The following TSPAN14 variants were observed in gnomAD, a reference collection of about 807,000 sequenced individuals.
TSPAN14 encodes the protein tetraspanin-14.
Under a neutral mutation model 36.6 loss-of-function variants are expected in TSPAN14, and 16 were observed. The observed-to-expected ratio is 0.44, with a 90% CI of 0.30 to 0.66. The LOEUF (loss-of-function observed/expected upper bound fraction) is 0.66, where lower values mean the gene tolerates loss of function less well. Among genes scored for constraint, TSPAN14 ranks in the 30% least tolerant of loss-of-function variants. The pLI, the probability that TSPAN14 is intolerant of heterozygous loss-of-function variation, is 0.12. For synonymous variants in TSPAN14, 139 were observed against 143.8 expected (o/e 0.97, Z 0.24); for missense variants, 231 against 355.1 (o/e 0.65, Z 2.81).
intron 2 of TSPAN14, among the ~76,000 whole-genome samples, chr10:80,492,866 C>T (rs958218198): frequency 9.9e-5 from 15 of 152,040 alleles, no homozygotes; most frequent in East Asian, 5.8e-4. Context: ...AGATAAATAC[C>T]GTTTGGTACC....
chr10:80,492,143 A>G (rs2132018337), intron 2 of TSPAN14, among the ~76,000 whole-genome samples: 1 of 152,300 alleles, frequency 6.6e-6, no homozygotes, highest in Middle Eastern at 3.4e-3. Context: ...GGTTGCTGAA[A>G]ATGTATAAAG....
chr10:80,521,829 CAG>C (rs1841280400), exon 9 of TSPAN14: 1 of 148,456 alleles, frequency 6.7e-6, no homozygotes, highest in Admixed American at 6.8e-5. Flanking sequence ...GAGGCTGAGG[CAG>C]GGGAATGGTG....
intron 1 of TSPAN14, among the ~76,000 whole-genome samples, chr10:80,456,473 G>A (rs561505761): frequency 1.3e-5 from 2 of 152,218 alleles, no homozygotes; most frequent in Non-Finnish European, 2.9e-5. Context: ...GGTTGTGGCG[G>A]CAGTGAAGTG....
chr10:80,521,093 T>C (rs1841245845), exon 9 of TSPAN14: 1 of 307,860 alleles, frequency 3.2e-6, no homozygotes. Flanking sequence ...ACGTGGAATT[T>C]CTCTGGGAGA....
intron 1 of TSPAN14, among the ~76,000 whole-genome samples, chr10:80,465,405 G>A (rs1408741094): frequency 1.3e-5 from 2 of 152,170 alleles, no homozygotes; most frequent in South Asian, 4.1e-4. Context: ...TGCCATCTCC[G>A]GGCTCTTGAA....
intron 1 of TSPAN14, among the ~76,000 whole-genome samples, chr10:80,454,669 C>A (rs1023492181): frequency 3.3e-5 from 5 of 152,090 alleles, no homozygotes; most frequent in Non-Finnish European, 5.9e-5. Context: ...CGGTAGCCCT[C>A]GCCCCATCAG....
Position 80,509,637 on chromosome 10 carries a change from T to G in TSPAN14, c.450+166T>G. 1.4e-6 allele frequency: 1 copy of G among 718,212 alleles called. No individual in the cohort carries two copies. The highest frequency in any genetic ancestry group is 2.0e-5 in the South Asian group (1 of 51,274). The allele number at this position is 718,212 out of a possible 1,614,324, so 44.5% of individuals were successfully genotyped here. A position where few individuals can be genotyped will look rare whatever the true frequency, so the allele number is the denominator to read the frequency against. ...CCACTCCACCTCTGGTCTGTTCCACTTTGCCGGCTTGTGGTTGCCTGGTGG... is the reference window on the plus strand; with the variant it reads ...CCACTCCACCTCTGGTCTGTTCCACGTTGCCGGCTTGTGGTTGCCTGGTGG... On this transcript the variant is annotated intron_variant, in intron 5 of 8. Transcript: ENST00000429989. The surrounding 1 kb of genome is among the most constrained non-coding windows in gnomAD (Gnocchi z 4.7).
At chr10:80,468,978 T>G (rs1846389351) in intron 1 of TSPAN14, among the ~76,000 whole-genome samples, 1 of 152,202 alleles carries the variant, frequency 6.6e-6, no homozygotes, top group Non-Finnish European at 1.5e-5. Context: ...CTTTCCTGTT[T>G]AAAGTTGTCG....
intron 1 of TSPAN14, among the ~76,000 whole-genome samples, chr10:80,465,786 T>A (rs1369910953): frequency 1.3e-5 from 2 of 152,180 alleles, no homozygotes; most frequent in East Asian, 1.9e-4. Context: ...GCAGGATTGG[T>A]TAAGAATATT....
Position 80,460,380 on chromosome 10 carries a change from A to G in TSPAN14, c.-18+6009A>G, listed in dbSNP as rs183105022. 3.3e-5 allele frequency among the ~76,000 whole-genome samples: 5 copies of G among 152,334 alleles called. No homozygotes were observed. The East Asian group carries it at 9.6e-4, about 29-fold the overall frequency. ...TTGAGGTTGGGGGATTCTGGTTAAC[A>G]GGAGTTTTGCTAAAACTAGGCTCTT... is the stretch of plus-strand genomic sequence containing the variant. On this transcript the variant is annotated intron_variant, in intron 1 of 8. Coordinates refer to ENST00000429989, the Ensembl canonical transcript of TSPAN14.
At chr10:80,512,538 T>G (rs919782024) in intron 6 of TSPAN14, among the ~76,000 whole-genome samples, 1 of 152,210 alleles carries the variant, frequency 6.6e-6, no homozygotes, top group African/African-American at 2.4e-5. Context: ...GGCTGTCACT[T>G]GCAGCTGGCC....
intron 4 of TSPAN14, among the ~76,000 whole-genome samples, chr10:80,507,883 C>A (rs1263042401): frequency 1.3e-5 from 2 of 152,036 alleles, no homozygotes; most frequent in Non-Finnish European, 2.9e-5. Context: ...TTAAATAACA[C>A]CTGGTGGGGA....
At chr10:80,489,646 T>C (rs1194655973) in intron 2 of TSPAN14, among the ~76,000 whole-genome samples, 1 of 152,230 alleles carries the variant, frequency 6.6e-6, no homozygotes, top group Admixed American at 6.5e-5. Flanking sequence ...AGCAAGGTAC[T>C]TTGTGTGCAT....
intron 1 of TSPAN14, among the ~76,000 whole-genome samples, chr10:80,461,601 G>A (rs1397004421): frequency 1.3e-5 from 2 of 152,116 alleles, no homozygotes; most frequent in Non-Finnish European, 2.9e-5. Context: ...CCCAGGATGG[G>A]GTGGGGCGGG....
chr10:80,461,246 C>T (rs1287982504), intron 1 of TSPAN14, among the ~76,000 whole-genome samples: 1 of 152,196 alleles, frequency 6.6e-6, no homozygotes, highest in Non-Finnish European at 1.5e-5. Context: ...CTGATCTTGT[C>T]TCAACAGTCA....
chr10:80,486,131 G>A (rs761891129), intron 1 of TSPAN14, among the ~76,000 whole-genome samples: 5 of 152,214 alleles, frequency 3.3e-5, no homozygotes, highest in Admixed American at 6.5e-5. Flanking sequence ...ACGGGTGTAG[G>A]TGTGGACCCC....
intron 1 of TSPAN14, among the ~76,000 whole-genome samples, chr10:80,487,343 G>A (rs982909454): frequency 2.6e-5 from 4 of 152,000 alleles, no homozygotes; most frequent in South Asian, 2.1e-4. Flanking sequence ...GGGACTTGTC[G>A]GAAATGCAGA....
At chr10:80,469,113 C>T (rs1846398480) in intron 1 of TSPAN14, among the ~76,000 whole-genome samples, 1 of 151,968 alleles carries the variant, frequency 6.6e-6, no homozygotes, top group Non-Finnish European at 1.5e-5. Flanking sequence ...GCCCCCTTAG[C>T]CCAGAGCCCT....
intron 1 of TSPAN14, among the ~76,000 whole-genome samples, chr10:80,486,950 G>A (rs368586797): frequency 3.3e-5 from 5 of 152,160 alleles, no homozygotes; most frequent in East Asian, 1.9e-4. Flanking sequence ...GGCTGGGTGT[G>A]GTGGCTCATG....
Sources: gnomAD v4.1 joint callset for allele counts (sites outside exome capture counted in the v4.1 genomes callset) on GRCh38, gnomAD v4.1.1 for gene constraint, Gnocchi (gnomAD v3.1) non-coding constraint, MANE v1.5 for transcripts, NCBI Gene and HGNC (gene_info 2026-07-23, HGNC 2026-07-21) for gene names.